FRY: variants seen among roughly 807,000 people sequenced by gnomAD.
FRY encodes FRY microtubule binding protein.
A neutral mutation model predicts 348.4 loss-of-function variants in FRY; 128 were observed. The observed-to-expected ratio is 0.37, with a 90% CI of 0.32 to 0.43. FRY has a LOEUF of 0.43. FRY is among the 20% of genes least tolerant of loss of function. The pLI is 1.00. For synonymous variants in FRY, 1,370 were observed against 1,374.7 expected, an observed-to-expected ratio of 1.00 and a Z score of 0.08; for missense variants, 2,736 against 3,695.2, an observed-to-expected ratio of 0.74 and a Z score of 6.73.
intron 55 of FRY, among the ~76,000 whole-genome samples, chr13:32,269,857 A>G (rs1364134248): frequency 1.3e-5 from 2 of 152,208 alleles, no homozygotes; most frequent in Non-Finnish European, 1.5e-5. Context: ...CCTTCTTATA[A>G]TCCATTTTTG....
chr13:32,147,823 C>G lies in FRY; in HGVS notation c.1284-16C>G. ...GCCAATCTTGCTTGTTTTCTCTTTT[C>G]CCCCTTATCTTTCAGCCGACTTATA... On this transcript the variant is annotated splice_polypyrimidine_tract_variant and intron_variant, in intron 12 of 60. Transcript: ENST00000542859. The G allele has an allele frequency of 6.9e-7, 1 of 1,444,368 alleles. No individual in the cohort carries two copies. The highest frequency in any genetic ancestry group is 9.8e-7 in the Non-Finnish European group (1 of 1,024,912). 89.5% of individuals were successfully genotyped at this position (1,444,368 alleles called of 1,614,324 possible).
chr13:32,094,652 C>A (rs773044506), intron 2 of FRY, among the ~76,000 whole-genome samples: 4 of 152,094 alleles, frequency 2.6e-5, no homozygotes, highest in Non-Finnish European at 4.4e-5. Flanking sequence ...ACTTAATGAC[C>A]TCCAGTTCCA....
chr13:32,069,055 T>C (rs1279034441), intron 1 of FRY, among the ~76,000 whole-genome samples: 1 of 151,962 alleles, frequency 6.6e-6, no homozygotes, highest in African/African-American at 2.4e-5. Context: ...TAGCTGGGAC[T>C]AGAAGCACCC....
At chr13:32,187,704 G>A in intron 28 of FRY, 48 bp downstream of exon 28, 1 of 1,030,808 alleles carries the variant, frequency 9.7e-7, no homozygotes, top group Non-Finnish European at 1.5e-6. Context: ...TCTGTGTTCT[G>A]CCTCAGTTGA....
At chr13:32,117,639 A>T (rs890835444) in intron 4 of FRY, among the ~76,000 whole-genome samples, 166 bp downstream of exon 4, 1 of 152,178 alleles carries the variant, frequency 6.6e-6, no homozygotes, top group African/African-American at 2.4e-5. Flanking sequence ...CATTTGGAGC[A>T]CCGAGTCACT....
chr13:32,046,051 C>G (rs1873000305), intron 1 of FRY, among the ~76,000 whole-genome samples: 1 of 152,186 alleles, frequency 6.6e-6, no homozygotes, highest in African/African-American at 2.4e-5. Flanking sequence ...AAACAACAGC[C>G]ATCAAACTGG....
intron 51 of FRY, among the ~76,000 whole-genome samples, chr13:32,259,608 G>C (rs1380208459): frequency 3.3e-5 from 5 of 152,126 alleles, no homozygotes; most frequent in African/African-American, 1.2e-4. Flanking sequence ...AACCCTTCCA[G>C]TCATTTGGCA....
chr13:32,254,531 C>G, intron 51 of FRY, 137 bp downstream of exon 51: 1 of 960,276 alleles, frequency 1.0e-6, no homozygotes, highest in Non-Finnish European at 1.6e-6. Context: ...TTTGAATCAA[C>G]TTATTCAAAG....
At chr13:32,181,569 C>T (rs2520691) in intron 23 of FRY, among the ~76,000 whole-genome samples, 20,296 of 128,136 alleles carry the variant, frequency 0.16, 1,975 homozygotes, top group Middle Eastern at 0.31. Context: ...AGTGATACTC[C>T]GTCACCAAAA....
chr13:32,202,218 G>A (rs970051034), intron 30 of FRY, 138 bp from the exon 31 acceptor site: 12 of 711,294 alleles, frequency 1.7e-5, no homozygotes, highest in Non-Finnish European at 2.8e-5. Context: ...TAATTAAACT[G>A]ATGTTTTACC....
intron 1 of FRY, among the ~76,000 whole-genome samples, chr13:32,067,351 GT>G (rs35445011): frequency 1.3e-5 from 2 of 150,878 alleles, no homozygotes; most frequent in South Asian, 2.1e-4. Context: ...CTTTCAGTTC[GT>G]TTTTTTTTCT....
chr13:32,227,290 A>G (rs1312078992), intron 39 of FRY, among the ~76,000 whole-genome samples: 1 of 152,236 alleles, frequency 6.6e-6, no homozygotes, highest in Non-Finnish European at 1.5e-5. Flanking sequence ...GTTGCTTTAA[A>G]TACACACTAA....
At chr13:32,088,860 CA>C (rs1280033085) in intron 2 of FRY, among the ~76,000 whole-genome samples, 1 of 152,054 alleles carries the variant, frequency 6.6e-6, no homozygotes, top group African/African-American at 2.4e-5. Flanking sequence ...TTTGAGAATA[CA>C]AAACCAGACA....
intron 3 of FRY, among the ~76,000 whole-genome samples, chr13:32,110,093 C>T (rs149751547): frequency 1.3e-3 from 199 of 152,268 alleles, no homozygotes; most frequent in African/African-American, 4.6e-3. Flanking sequence ...GCTGCAATGG[C>T]TATTCATGGA....
chr13:32,114,267 C>A (rs1878159218), intron 3 of FRY, among the ~76,000 whole-genome samples: 1 of 152,158 alleles, frequency 6.6e-6, no homozygotes, highest in Non-Finnish European at 1.5e-5. Context: ...AGGCAGTTGC[C>A]AGTTTCCCCT....
At chr13:32,058,084 A>G (rs1178689268) in intron 1 of FRY, among the ~76,000 whole-genome samples, 1 of 152,246 alleles carries the variant, frequency 6.6e-6, no homozygotes, top group Non-Finnish European at 1.5e-5. Flanking sequence ...AAAGTCATTC[A>G]TTCAATTAAT....
At position 32,194,283 on chromosome 13, in the gene FRY, T is replaced by A. The variant is rs202144491; in HGVS notation, c.3732T>A (p.Thr1244=). The A allele has an allele frequency of 3.7e-6, 6 of 1,614,050 alleles. No individual in the cohort carries two copies. The highest frequency in any genetic ancestry group is 4.2e-6 in the Non-Finnish European group (5 of 1,179,982). Residue 1244 remains threonine, a synonymous_variant, in exon 29 of 61, where the codon ACT becomes ACA. Coordinates refer to ENST00000542859, the MANE Select transcript of FRY (RefSeq NM_023037.3). ...CTGGCTGCTTCAAAGCCATAGCAAC[T>A]GTGTGTGGAAGCAGGTACGAATTTT... The part of the protein sequence containing the change: ...LASGCFKAIA[T]VCGSRNYPFD...
At chr13:32,257,986 GT>G (rs1887423283) in intron 51 of FRY, 18 of 1,602,948 alleles carry the variant, frequency 1.1e-5, no homozygotes, top group Non-Finnish European at 1.5e-5. Flanking sequence ...AGATGATGCT[GT>G]TTTTAATTCA....
intron 41 of FRY, among the ~76,000 whole-genome samples, chr13:32,232,736 C>T (rs527718823): frequency 1.3e-5 from 2 of 152,144 alleles, no homozygotes; most frequent in Admixed American, 6.5e-5. Flanking sequence ...GGCCAGAACT[C>T]GGGCACCTGG....
Sources: allele counts gnomAD v4.1 joint callset (sites outside exome capture counted in the v4.1 genomes callset), GRCh38; gene constraint gnomAD v4.1.1; transcripts MANE v1.5; gene names NCBI Gene and HGNC (gene_info 2026-07-23, HGNC 2026-07-21).